Variants in KAT6B observed in about 807,000 individuals in gnomAD.
KAT6B encodes lysine acetyltransferase 6B, also known as histone acetyltransferase KAT6B.
A neutral mutation model predicts 187.5 loss-of-function variants in KAT6B; 10 were observed. The observed-to-expected ratio is 0.05, with a 90% CI of 0.03 to 0.09. The LOEUF (loss-of-function observed/expected upper bound fraction) is 0.09, where lower values mean the gene tolerates loss of function less well. KAT6B is among the 10% of genes least tolerant of loss of function. The pLI is 1.00. For synonymous variants in KAT6B, 861 were observed against 926.8 expected (o/e 0.93, Z 1.29); for missense variants, 1,952 against 2,558.9 (o/e 0.76, Z 5.12).
intron 3 of KAT6B, among the ~76,000 whole-genome samples, chr10:74,895,960 G>GT (rs911440222): frequency 3.8e-4 from 57 of 150,616 alleles, no homozygotes; most frequent in East Asian, 1.4e-3. Flanking sequence ...TGTTGTTGTT[G>GT]TTTTTTTTTG....
intron 3 of KAT6B, among the ~76,000 whole-genome samples, chr10:74,869,578 G>C (rs944695973): frequency 6.6e-6 from 1 of 152,254 alleles, no homozygotes; most frequent in Middle Eastern, 3.4e-3. Flanking sequence ...GAGCCACCAC[G>C]CCTGGCTTTA....
chr10:74,912,412 G>GATAT (rs1001699401), intron 3 of KAT6B, among the ~76,000 whole-genome samples: 6 of 151,286 alleles, frequency 4.0e-5, no homozygotes, highest in African/African-American at 1.5e-4. Flanking sequence ...TAGATAGATA[G>GATAT]AAAGATAGAT....
At chr10:74,877,208 T>G (rs9299524) in intron 3 of KAT6B, among the ~76,000 whole-genome samples, 5 of 151,964 alleles carry the variant, frequency 3.3e-5, no homozygotes, top group Admixed American at 1.3e-4. Flanking sequence ...TCAGATAATC[T>G]GCCCACCTCC....
At chr10:74,845,539 C>CA (rs1201779378) in intron 3 of KAT6B, among the ~76,000 whole-genome samples, 4,727 of 119,010 alleles carry the variant, frequency 0.04, 279 homozygotes, top group African/African-American at 0.14. Flanking sequence ...AAAAAAAAAA[C>CA]AAAAAAAAAA....
intron 3 of KAT6B, among the ~76,000 whole-genome samples, chr10:74,937,683 CAT>C (rs1849361826): frequency 6.6e-6 from 1 of 152,208 alleles, no homozygotes; most frequent in Admixed American, 6.5e-5. Context: ...TTCAGTTTCT[CAT>C]GTGTAAATGG....
chr10:74,955,110 A>G (rs1840581266), intron 3 of KAT6B, among the ~76,000 whole-genome samples: 1 of 152,196 alleles, frequency 6.6e-6, no homozygotes. Context: ...TGTATAACCT[A>G]TGTACATTCT....
At chr10:75,001,008 C>T (rs1445851936) in intron 13 of KAT6B, among the ~76,000 whole-genome samples, 2 of 152,102 alleles carry the variant, frequency 1.3e-5, no homozygotes, top group African/African-American at 2.4e-5. Flanking sequence ...TGGTTTGCAG[C>T]GTCCTTCTAC....
chr10:74,834,716 TG>T (rs1669938131), intron 1 of KAT6B, among the ~76,000 whole-genome samples: 1 of 142,290 alleles, frequency 7.0e-6, no homozygotes, highest in African/African-American at 3.1e-5. Context: ...GGTAGGGTCT[TG>T]TTGTGTTGCC....
chr10:74,952,279 C>G (rs1840368759), intron 3 of KAT6B, among the ~76,000 whole-genome samples: 1 of 2,578 alleles, frequency 3.9e-4, no homozygotes, highest in South Asian at 0.024. Flanking sequence ...CACTTGAGCC[C>G]CTGGAGATCG....
chr10:74,921,195 A>G lies in KAT6B; in HGVS notation c.622-38775A>G, dbSNP rs1848092618. On this transcript the variant is annotated intron_variant, in intron 3 of 17. Transcript: ENST00000287239. ...AATGGCGAGATCTTGCCTCACTGCA[A>G]CCTCCACCTCCTGGCTTCAAGTGAT... 2.0e-5 allele frequency among the ~76,000 whole-genome samples: 3 copies of G among 146,946 alleles called. No homozygotes were observed. The Admixed American group carries it at 2.0e-4, about 10-fold the overall frequency.
At chr10:74,973,219 G>T (rs546416278) in intron 7 of KAT6B, among the ~76,000 whole-genome samples, 3 of 152,112 alleles carry the variant, frequency 2.0e-5, no homozygotes, top group African/African-American at 4.8e-5. Flanking sequence ...TAATATATTC[G>T]CAGTGGCCTG....
Position 75,029,020 on chromosome 10 carries a change from A to G in KAT6B, c.4196A>G (p.Lys1399Arg), listed in dbSNP as rs1357128724. The stretch of plus-strand genomic sequence containing the variant: ...GAGGAACCAGAAATCTCCACGGAAA[A>G]AGAAGACTCTGCACGTTTGGATGAT... ...EKEEPEISTE[K>R]EDSARLDDHE... The change falls in exon 18 of 18, where the codon AAA becomes AGA. Residue 1399 changes from lysine to arginine, a missense_variant. Transcript: ENST00000287239. The surrounding 1 kb of genome is among the most constrained non-coding windows in gnomAD (Gnocchi z 6.2). 1.2e-6 allele frequency: 2 copies of G among 1,614,080 alleles called. No individual in the cohort carries two copies. The highest frequency in any genetic ancestry group is 1.7e-6 in the Non-Finnish European group (2 of 1,180,014).
intron 3 of KAT6B, among the ~76,000 whole-genome samples, chr10:74,897,282 G>T (rs1846058350): frequency 6.6e-6 from 1 of 152,094 alleles, no homozygotes; most frequent in Non-Finnish European, 1.5e-5. Flanking sequence ...TGGCACAGAC[G>T]CAAATCCTGG....
At chr10:74,955,803 C>G (rs10824250) in intron 3 of KAT6B, among the ~76,000 whole-genome samples, 12,004 of 152,126 alleles carry the variant, frequency 0.079, 904 homozygotes, top group African/African-American at 0.18. Context: ...CCCTAATTAT[C>G]CCAATAATAT....
intron 13 of KAT6B, among the ~76,000 whole-genome samples, chr10:74,997,966 G>T (rs1843552566): frequency 6.6e-6 from 1 of 151,992 alleles, no homozygotes; most frequent in South Asian, 2.1e-4. Context: ...ACAGAAAATA[G>T]CCGGGCGTGG....
At chr10:75,014,254 C>T (rs892034600) in intron 13 of KAT6B, among the ~76,000 whole-genome samples, 1 of 152,018 alleles carries the variant, frequency 6.6e-6, no homozygotes, top group African/African-American at 2.4e-5. Context: ...GTGGGAGGAT[C>T]GCTTGAGCCT....
In KAT6B at chr10:74,976,172, G is replaced by A; in HGVS notation, c.1835G>A (p.Ser612Asn). The change falls in exon 8 of 18, where the codon AGT becomes AAT. Residue 612 changes from serine (S) to asparagine (N), a missense_variant. By Grantham distance (46) the Ser-to-Asn change is conservative. Transcript: ENST00000287239. Reference sequence around the variant, plus strand: ...TCTAGCTGGGGGATGGCTAGAGGAAGTATTTTTAAAGCAATTGCTCACTTC... The same window carrying A: ...TCTAGCTGGGGGATGGCTAGAGGAAATATTTTTAAAGCAATTGCTCACTTC... ...SSSSWGMARG[S>N]IFKAIAHFKR... The A allele has an allele frequency of 2.5e-6, 4 of 1,614,200 alleles. No individual in the cohort carries two copies. Among genetic ancestry groups the A allele is most frequent in the Non-Finnish European group, 3.4e-6 (4 of 1,180,030 alleles).
At chr10:74,829,337 C>G (rs1229191204) in intron 1 of KAT6B, among the ~76,000 whole-genome samples, 26 of 152,140 alleles carry the variant, frequency 1.7e-4, no homozygotes, top group Admixed American at 1.7e-3. Context: ...TTTCACGTAT[C>G]AATTAGTAAA....
intron 12 of KAT6B, among the ~76,000 whole-genome samples, chr10:74,986,324 A>T (rs1014635622): frequency 6.6e-6 from 1 of 152,224 alleles, no homozygotes; most frequent in East Asian, 1.9e-4. Flanking sequence ...TGGTACATAA[A>T]TAGAGACAAT....
Sources: gnomAD v4.1 joint callset for allele counts (sites outside exome capture counted in the v4.1 genomes callset) on GRCh38, gnomAD v4.1.1 for gene constraint, Gnocchi (gnomAD v3.1) non-coding constraint, MANE v1.5 for transcripts, NCBI Gene and HGNC (gene_info 2026-07-23, HGNC 2026-07-21) for gene names.